The following EZH1 variants were observed in gnomAD, a reference collection of about 807,000 sequenced individuals.
EZH1 encodes histone-lysine N-methyltransferase EZH1.
A neutral mutation model predicts 100.5 loss-of-function variants in EZH1; 33 were observed. The ratio of observed to expected loss-of-function variants is 0.33; its 90% CI spans 0.25 to 0.44. EZH1 has a LOEUF of 0.44. Among genes scored for constraint, EZH1 ranks in the 20% least tolerant of loss-of-function variants. The pLI is 1.00. For synonymous variants in EZH1, 272 were observed against 313.8 expected (o/e 0.87, Z 1.41); for missense variants, 475 against 928.4 (o/e 0.51, Z 6.35).
At chr17:42,725,893 T>C (rs1386822386) in intron 4 of EZH1, among the ~76,000 whole-genome samples, 5 of 152,192 alleles carry the variant, frequency 3.3e-5, no homozygotes, top group Admixed American at 2.0e-4. Context: ...TCGTTTTTTG[T>C]TTTGAGACAG....
rs986763611 is a variant in EZH1, at chr17:42,718,323, T to C, written c.931+131A>G. 3.2e-6 allele frequency: 4 copies of C among 1,248,062 alleles called. No homozygotes were observed. The highest frequency in any genetic ancestry group is 4.4e-6 in the Non-Finnish European group (4 of 911,172). The allele number at this position is 1,248,062 out of a possible 1,614,324, so 77.3% of individuals were successfully genotyped here. A position where few individuals can be genotyped will look rare whatever the true frequency, so the allele number is the denominator to read the frequency against. ...TGCACTATAATTGAGCAAGGGAAAA[T>C]AGAACTGGCCCTTTGTAAAACGTTA... On this transcript the variant is annotated intron_variant, in intron 9 of 20. Coordinates refer to ENST00000428826, the MANE Select transcript of EZH1 (RefSeq NM_001991.5). This position sits in a 1 kb window ranked among gnomAD's most constrained non-coding sequence, Gnocchi z 4.2.
intron 4 of EZH1, 105 bp downstream of exon 4, chr17:42,727,530 A>G: frequency 7.3e-7 from 1 of 1,375,202 alleles, no homozygotes; most frequent in South Asian, 1.3e-5. Flanking sequence ...TGTGTGAGCC[A>G]CCATACCTTG....
chr17:42,709,815 A>T, intron 13 of EZH1, 31 bp downstream of exon 13: 3 of 1,608,978 alleles, frequency 1.9e-6, no homozygotes, highest in Non-Finnish European at 2.6e-6. Flanking sequence ...GCCTGGCTGT[A>T]AAACAAAACA....
intron 1 of EZH1, among the ~76,000 whole-genome samples, chr17:42,740,284 G>A (rs1384636639): frequency 6.7e-6 from 1 of 150,158 alleles, no homozygotes; most frequent in East Asian, 2.0e-4. Flanking sequence ...TCTGTTGCCA[G>A]GCTGGAGTGC....
Position 42,705,092 on chromosome 17 carries a change from C to T in EZH1, c.1931G>A (p.Gly644Asp). Residue 644 changes from glycine to aspartate, a missense_variant, in exon 17 of 21, where the codon GGT (glycine) becomes GAT (aspartate). Physicochemically the swap from Gly to Asp is moderately conservative, Grantham distance 94 (BLOSUM62 -1). Around this residue, in one of 8 missense-constraint regions of EZH1, gnomAD observed 49 missense variants for 164.2 expected, o/e 0.30. Transcript: ENST00000428826. ...GGCCAAAACTATAGCACTCACCTCA[C>T]CACAGTATTCAGAAATGAATTCGTT... ...QKNEFISEYC[G>D]ELISQDEADR... 1 of 1,613,308 alleles carries T rather than the reference C, an allele frequency of 6.2e-7. No individual in the cohort carries two copies. The highest frequency in any genetic ancestry group is 8.5e-7 in the Non-Finnish European group (1 of 1,179,424).
intron 1 of EZH1, among the ~76,000 whole-genome samples, chr17:42,739,382 A>C (rs539533648): frequency 6.6e-6 from 1 of 152,318 alleles, no homozygotes; most frequent in Non-Finnish European, 1.5e-5. Context: ...TGTGACTCTG[A>C]ATTCTAATTT....
chr17:42,741,362 G>A (rs1205760212), intron 1 of EZH1, among the ~76,000 whole-genome samples: 1 of 152,162 alleles, frequency 6.6e-6, no homozygotes, highest in Non-Finnish European at 1.5e-5. Context: ...TGGGATGACA[G>A]GTGTGGGATG....
chr17:42,706,212 A>C lies in EZH1; in HGVS notation c.1661-27T>G. The C allele has an allele frequency of 6.3e-7, 1 of 1,587,806 alleles. No individual in the cohort carries two copies. Among genetic ancestry groups the C allele is most frequent in the South Asian group, 1.1e-5 (1 of 87,326 alleles). ...TGGGAAGGGAAGACAGGTAAGTCTTAGAAGGGAAATAAGCTAATACTGGGG... is the reference window on the plus strand; with the variant it reads ...TGGGAAGGGAAGACAGGTAAGTCTTCGAAGGGAAATAAGCTAATACTGGGG... On this transcript the variant is annotated intron_variant, in intron 15 of 20. Coordinates refer to ENST00000428826, the MANE Select transcript of EZH1 (RefSeq NM_001991.5). This position sits in a 1 kb window ranked among gnomAD's most constrained non-coding sequence, Gnocchi z 4.4.
chr17:42,705,810 A>C (rs1236236186), intron 16 of EZH1, 197 bp downstream of exon 16: 2 of 526,004 alleles, frequency 3.8e-6, no homozygotes, highest in African/African-American at 3.9e-5. Context: ...GAGCCACCAC[A>C]CCTGGCCAGG....
chr17:42,738,327 G>A lies in EZH1; in HGVS notation c.-103+6684C>T, dbSNP rs140736263. 2.6e-3 allele frequency among the ~76,000 whole-genome samples: 396 copies of A among 152,124 alleles called. 2 individuals carry two copies. Among genetic ancestry groups the A allele is most frequent in the African/African-American group, 8.0e-3 (334 of 41,528 alleles). On this transcript the variant is annotated intron_variant, in intron 1 of 20. Transcript: ENST00000428826. ...CTTCTTTGTCTTAGGGGCAAATTCA[G>A]TGTCTTTGATAGTTTCTCTTGAATA...
chr17:42,722,991 C>A, intron 5 of EZH1, 76 bp from the exon 6 acceptor site: 1 of 1,521,900 alleles, frequency 6.6e-7, no homozygotes, highest in Non-Finnish European at 8.8e-7. Context: ...GGAATCTTTG[C>A]TGAGCTTTGT....
At chr17:42,719,919 A>C (rs890210581) in intron 7 of EZH1, among the ~76,000 whole-genome samples, 3 of 152,186 alleles carry the variant, frequency 2.0e-5, no homozygotes, top group African/African-American at 7.2e-5. Context: ...ATATAGTATA[A>C]TTAAACTATT....
intron 1 of EZH1, among the ~76,000 whole-genome samples, chr17:42,738,755 A>ATATT (rs1555651877): frequency 0.018 from 1,637 of 91,140 alleles, 50 homozygotes; most frequent in South Asian, 0.12. Flanking sequence ...CCTGGCCTAG[A>ATATT]TTTTTTTTTT....
rs2053219532 is a variant in EZH1 at position 42,700,426 on chromosome 17, A to G, written c.*2106T>C. On this transcript the variant is annotated 3_prime_UTR_variant, in exon 21 of 21. Transcript: ENST00000428826. ...ACGTGGTGGGGAGGGGTTGAGACCCATCTTTAAAAGTGGGGGACAGCAGGG... is the reference window on the plus strand; with the variant it reads ...ACGTGGTGGGGAGGGGTTGAGACCCGTCTTTAAAAGTGGGGGACAGCAGGG... The G allele has an allele frequency of 6.5e-6, 1 of 152,804 alleles. No individual in the cohort carries two copies. The highest frequency in any genetic ancestry group is 6.5e-5 in the Admixed American group (1 of 15,270). The allele number at this position is 152,804 out of a possible 1,614,324, so 9.5% of individuals were successfully genotyped here.
In EZH1 at chr17:42,708,224, G is replaced by C. The variant is rs2053401243; in HGVS notation, c.1535-141C>G. ...ACACATTTAGCACCTGAAGTGAGAA[G>C]ACAGGGATGACCGTTGTTCATAAGC... On this transcript the variant is annotated intron_variant, in intron 14 of 20. Transcript: ENST00000428826. 4.1e-6 allele frequency: 4 copies of C among 972,582 alleles called. No individual in the cohort carries two copies. The Admixed American group carries it at 8.9e-5, about 22-fold the overall frequency. The allele number at this position is 972,582 out of a possible 1,614,324, so 60.2% of individuals were successfully genotyped here. A position where few individuals can be genotyped will look rare whatever the true frequency, so the allele number is the denominator to read the frequency against.
At chr17:42,709,821 A>G (rs2053441022) in intron 13 of EZH1, 25 bp downstream of exon 13, 2 of 1,612,258 alleles carry the variant, frequency 1.2e-6, no homozygotes, top group African/African-American at 2.7e-5. Flanking sequence ...CTGTAAAACA[A>G]AACACTTTGT....
chr17:42,709,940 G>C lies in EZH1; in HGVS notation c.1402-3C>G. 1 of 1,614,034 alleles carries C rather than the reference G, an allele frequency of 6.2e-7. No homozygotes were observed. The highest frequency in any genetic ancestry group is 8.5e-7 in the Non-Finnish European group (1 of 1,179,920). On this transcript the variant is annotated splice_polypyrimidine_tract_variant and splice_region_variant and intron_variant, in intron 12 of 20. Coordinates refer to ENST00000428826, the MANE Select transcript of EZH1 (RefSeq NM_001991.5). ...TCTTTGACTGCAAACTGAAAGACCT[G>C]GAAGAGAAATCCAACGGGCCTGTCA...
chr17:42,718,716 G>T lies in EZH1; in HGVS notation c.768-99C>A. On this transcript the variant is annotated intron_variant, in intron 8 of 20. Coordinates refer to ENST00000428826, the MANE Select transcript of EZH1 (RefSeq NM_001991.5). This position sits in a 1 kb window ranked among gnomAD's most constrained non-coding sequence, Gnocchi z 4.2. ...CAGTAGCTCACCTACGGTCTGCCAA[G>T]GGAGGATGGGTGTTTTTTATAGGTC... 7.9e-7 allele frequency: 1 copy of T among 1,258,044 alleles called. No homozygotes were observed. Among genetic ancestry groups the T allele is most frequent in the Non-Finnish European group, 1.1e-6 (1 of 897,986 alleles). The allele number at this position is 1,258,044 out of a possible 1,614,324, so 77.9% of individuals were successfully genotyped here.
At chr17:42,730,053 G>GACAAAA (rs908842359) in intron 2 of EZH1, among the ~76,000 whole-genome samples, 20 of 151,322 alleles carry the variant, frequency 1.3e-4, no homozygotes, top group African/African-American at 4.4e-4. Flanking sequence ...AAAAACAAAA[G>GACAAAA]ACAAAAACAA....
Sources: gnomAD v4.1 joint callset for allele counts (sites outside exome capture counted in the v4.1 genomes callset) on GRCh38, gnomAD v4.1.1 for gene constraint, gnomAD v4.1.1 regional missense constraint, Gnocchi (gnomAD v3.1) non-coding constraint, MANE v1.5 for transcripts, NCBI Gene and HGNC (gene_info 2026-07-23, HGNC 2026-07-21) for gene names.